Variants in RP1 observed in about 807,000 individuals in gnomAD.
RP1 encodes oxygen-regulated protein 1.
Under a neutral mutation model 14.8 loss-of-function variants are expected in RP1, and 16 were observed. The observed-to-expected ratio is 1.08, with a 90% CI of 0.73 to 1.65. The LOEUF (loss-of-function observed/expected upper bound fraction) is 1.65, where lower values mean the gene tolerates loss of function less well. Among genes scored for constraint, RP1 ranks in the 40% most tolerant of loss-of-function variants. The probability of loss-of-function intolerance (pLI) is 0.00; values close to 1 mark genes in which losing one functional copy is unlikely to be tolerated. For synonymous variants in RP1, 876 were observed against 883.6 expected (o/e 0.99, Z 0.15); for missense variants, 2,631 against 2,535.0 (o/e 1.04, Z -0.81).
chr8:54,628,231 C>T lies in RP1; in HGVS notation c.4349C>T (p.Ser1450Leu), dbSNP rs753571881. The change falls in exon 4 of 4, where the codon TCA (serine) becomes TTA (leucine). Residue 1450 changes from serine to leucine, a missense_variant. Coordinates refer to ENST00000220676, the MANE Select transcript of RP1 (RefSeq NM_006269.2). Reference sequence around the variant, plus strand: ...CCACGGACTTCTGAAGAACCAGGCTCAATAACCAACAGCATGACATCAAGT... The same window carrying T: ...CCACGGACTTCTGAAGAACCAGGCTTAATAACCAACAGCATGACATCAAGT... Reference protein sequence around the residue: ...EEPRTSEEPGSITNSMTSSER... With the variant: ...EEPRTSEEPGLITNSMTSSER... 1.9e-6 allele frequency: 3 copies of T among 1,613,932 alleles called. No individual in the cohort carries two copies. The highest frequency in any genetic ancestry group is 1.7e-6 in the Non-Finnish European group (2 of 1,179,910).
intron 1 of RP1, among the ~76,000 whole-genome samples, chr8:54,593,899 C>T (rs118164230): frequency 0.013 from 1,943 of 152,358 alleles, 18 homozygotes; most frequent in Middle Eastern, 0.034. Flanking sequence ...CAACTTCTGT[C>T]ACAGAGACTG....
chr8:54,627,320 T>C lies in RP1; in HGVS notation c.3438T>C (p.Cys1146=). The change falls in exon 4 of 4, where the codon TGT becomes TGC. Residue 1146 remains cysteine (C), a synonymous_variant. Transcript: ENST00000220676. ...TAAAGGGAAGTATGAATAGCTTCTG[T>C]CAAGTTGATGCTCACAAGGCTACCA... is the stretch of plus-strand genomic sequence containing the variant. ...LNLKGSMNSF[C]QVDAHKATNK... The C allele has an allele frequency of 6.2e-7, 1 of 1,614,142 alleles. No individual in the cohort carries two copies. The highest frequency in any genetic ancestry group is 8.5e-7 in the Non-Finnish European group (1 of 1,179,976).
At chr8:54,675,291 G>A (rs1442680899) in intron 8 of RP1, among the ~76,000 whole-genome samples, 1 of 152,026 alleles carries the variant, frequency 6.6e-6, no homozygotes, top group African/African-American at 2.4e-5. Flanking sequence ...TAATTTTTTG[G>A]TAAAGTTTAT....
intron 1 of RP1, among the ~76,000 whole-genome samples, chr8:54,605,757 CTCT>C (rs1805422750): frequency 6.6e-6 from 1 of 152,164 alleles, no homozygotes; most frequent in South Asian, 2.1e-4. Context: ...GGATAGTTGG[CTCT>C]TCTTGTTGAA....
intron 17 of RP1, among the ~76,000 whole-genome samples, chr8:54,729,599 C>T (rs1456817125): frequency 6.6e-6 from 1 of 151,970 alleles, no homozygotes; most frequent in Non-Finnish European, 1.5e-5. Context: ...TACTACTCCC[C>T]CAAAGAGCAC....
intron 1 of RP1, among the ~76,000 whole-genome samples, chr8:54,568,411 GGTGGTA>G (rs1284939584): frequency 6.6e-6 from 1 of 152,182 alleles, no homozygotes; most frequent in Non-Finnish European, 1.5e-5. Context: ...GGCCAGAACT[GGTGGTA>G]GTGTTCCTGA....
chr8:54,870,187 C>T (rs1812557352), exon 29 of RP1: 1 of 336,822 alleles, frequency 3.0e-6, no homozygotes, highest in Middle Eastern at 7.6e-4. Flanking sequence ...CACCTCCTCC[C>T]CCTCCTCTTC....
intron 12 of RP1, chr8:54,697,145 A>G (rs1412336907): frequency 3.9e-6 from 4 of 1,020,450 alleles, no homozygotes; most frequent in African/African-American, 3.2e-5. Context: ...GCCGAACAGC[A>G]CTACATTTTT....
In RP1 at chr8:54,775,828, G is replaced by C. The variant is rs1276469031; in HGVS notation, c.3451+5661G>C. Among the ~76,000 whole-genome samples, 7 of 152,156 alleles carry C rather than the reference G, an allele frequency of 4.6e-5. No homozygotes were observed. The East Asian group carries it at 1.3e-3, about 29-fold the overall frequency. ...TCAAGACTTGGATTCTAAATATATTGAAGATCATGAATTTCTCTCCTAATG... is the reference window on the plus strand; with the variant it reads ...TCAAGACTTGGATTCTAAATATATTCAAGATCATGAATTTCTCTCCTAATG... On this transcript the variant is annotated intron_variant, in intron 23 of 28. Transcript: ENST00000637698.
Position 54,621,472 on chromosome 8 carries a change from C to CGGTTCTTCTGAGCA in RP1, c.509_522dup (p.Arg175PhefsTer3). ...AATGGCGACCCGAAGACGAGGCGTG[C>CGGTTCTTCTGAGCA]GGTTCTTCTGAGCAGGAGGGTCACC... On this transcript the variant is annotated frameshift_variant, in exon 2 of 4. Coordinates refer to ENST00000220676, the MANE Select transcript of RP1 (RefSeq NM_006269.2). LOFTEE classifies it high-confidence loss of function. 1 of 1,614,028 alleles carries CGGTTCTTCTGAGCA rather than the reference C, an allele frequency of 6.2e-7. No individual in the cohort carries two copies. Among genetic ancestry groups the CGGTTCTTCTGAGCA allele is most frequent in the East Asian group, 2.2e-5 (1 of 44,864 alleles).
At chr8:54,754,769 G>T in intron 19 of RP1, 1 of 1,473,610 alleles carries the variant, frequency 6.8e-7, no homozygotes, top group South Asian at 1.4e-5. Context: ...AATTGGAGAT[G>T]ACACAATTTG....
At chr8:54,846,978 A>C (rs111411012) in intron 25 of RP1, among the ~76,000 whole-genome samples, 1,954 of 152,262 alleles carry the variant, frequency 0.013, 50 homozygotes, top group African/African-American at 0.044. Flanking sequence ...TGCTTCTCTT[A>C]GCAGCAGGGA....
Position 54,630,729 on chromosome 8 carries a change from A to G in RP1, c.*376A>G. The G allele has an allele frequency of 9.6e-7, 1 of 1,039,818 alleles. No homozygotes were observed. The allele number at this position is 1,039,818 out of a possible 1,614,324, so 64.4% of individuals were successfully genotyped here. ...AAATGTATATTGACTGTATTGGTGA[A>G]TAAATTGAATAGACATAACCTCAAA... On this transcript the variant is annotated 3_prime_UTR_variant, in exon 4 of 4. Coordinates refer to ENST00000220676, the MANE Select transcript of RP1 (RefSeq NM_006269.2).
chr8:54,603,519 G>T (rs1236226833), intron 1 of RP1, among the ~76,000 whole-genome samples: 1 of 152,130 alleles, frequency 6.6e-6, no homozygotes, highest in African/African-American at 2.4e-5. Flanking sequence ...TTGGCAATGA[G>T]GGCTCTTTTT....
intron 7 of RP1, among the ~76,000 whole-genome samples, chr8:54,667,866 A>C (rs987485863): frequency 6.6e-6 from 1 of 152,146 alleles, no homozygotes; most frequent in Non-Finnish European, 1.5e-5. Flanking sequence ...AAACAAAAAA[A>C]GGCCAGGACA....
At chr8:54,720,731 T>G (rs1456360616) in intron 16 of RP1, among the ~76,000 whole-genome samples, 1 of 152,212 alleles carries the variant, frequency 6.6e-6, no homozygotes, top group African/African-American at 2.4e-5. Flanking sequence ...GGATTTGGAT[T>G]AAAAATAGGA....
intron 5 of RP1, among the ~76,000 whole-genome samples, chr8:54,654,565 C>T (rs1806717411): frequency 6.6e-6 from 1 of 152,172 alleles, no homozygotes; most frequent in Non-Finnish European, 1.5e-5. Flanking sequence ...GTATCAGAAT[C>T]ACACTTAACA....
chr8:54,696,341 T>A (rs1231285816), intron 12 of RP1: 3 of 507,062 alleles, frequency 5.9e-6, no homozygotes, highest in Non-Finnish European at 1.0e-5. Context: ...CTGACAATAG[T>A]AAGAAATGAA....
At chr8:54,700,249 C>A (rs376907826) in intron 13 of RP1, among the ~76,000 whole-genome samples, 1 of 151,630 alleles carries the variant, frequency 6.6e-6, no homozygotes, top group Non-Finnish European at 1.5e-5. Flanking sequence ...GCTCTGTTAC[C>A]CAGGCTAGAG....
Sources: allele counts gnomAD v4.1 joint callset (sites outside exome capture counted in the v4.1 genomes callset), GRCh38; gene constraint gnomAD v4.1.1; transcripts MANE v1.5; gene names NCBI Gene and HGNC (gene_info 2026-07-23, HGNC 2026-07-21).